Variants in SYTL2 observed in about 807,000 individuals in gnomAD.
SYTL2 encodes synaptotagmin like 2.
In SYTL2, 165 loss-of-function variants were observed where a neutral mutation model predicts 198.7. That is an observed-to-expected ratio of 0.83 (90% confidence interval 0.73 to 0.94). The LOEUF (loss-of-function observed/expected upper bound fraction) is 0.94, where lower values mean the gene tolerates loss of function less well. Ranked by LOEUF, SYTL2 falls within the 40% of genes least tolerant of loss-of-function variation. The probability of loss-of-function intolerance (pLI) is 0.00; values close to 1 mark genes in which losing one functional copy is unlikely to be tolerated. For synonymous variants in SYTL2, 966 were observed against 917.7 expected (o/e 1.05, Z -0.95); for missense variants, 2,835 against 2,582.8 (o/e 1.10, Z -2.12).
chr11:85,757,642 G>A lies in SYTL2; in HGVS notation c.84C>T (p.Ala28=), dbSNP rs544516547. ...VLQRDAALKR[A]EEERVRHLPE... ...CCTCTTACCTGACTCTCTCTTCTTC[G>A]GCCCTCTTCAGAGCAGCATCCCGCT... Residue 28 remains alanine (A), a synonymous_variant, in exon 2 of 20, where the codon GCC becomes GCT. Transcript: ENST00000359152. The A allele has an allele frequency of 3.2e-5, 52 of 1,613,312 alleles. No homozygotes were observed. The highest frequency in any genetic ancestry group is 2.3e-4 in the South Asian group (21 of 91,038).
intron 1 of SYTL2, among the ~76,000 whole-genome samples, chr11:85,786,505 A>T (rs1310769879): frequency 6.6e-6 from 1 of 152,194 alleles, no homozygotes; most frequent in African/African-American, 2.4e-5. Context: ...GGGTACACGG[A>T]TCTCTGCACT....
chr11:85,796,802 G>A (rs1044114108), intron 1 of SYTL2, among the ~76,000 whole-genome samples: 4 of 152,210 alleles, frequency 2.6e-5, no homozygotes, highest in Admixed American at 2.6e-4. Context: ...TATCTGTCAG[G>A]TCTGAGACTT....
chr11:85,775,108 T>C (rs1396870608), intron 1 of SYTL2, among the ~76,000 whole-genome samples: 2 of 152,354 alleles, frequency 1.3e-5, no homozygotes, highest in Admixed American at 6.5e-5. Flanking sequence ...AATGTCACCC[T>C]GCTGCCCAGT....
chr11:85,741,522 A>C (rs2090785061), intron 4 of SYTL2, among the ~76,000 whole-genome samples: 2 of 152,170 alleles, frequency 1.3e-5, no homozygotes, highest in African/African-American at 4.8e-5. Context: ...AAGAATTATT[A>C]TTTTAAGAGT....
chr11:85,826,210 T>G, the SYTL2 span, among the ~76,000 whole-genome samples: 1 of 152,198 alleles, frequency 6.6e-6, no homozygotes, highest in South Asian at 2.1e-4. Context: ...ACATTAAACA[T>G]TGAAAAGCAC....
upstream of SYTL2, among the ~76,000 whole-genome samples, chr11:85,815,500 T>C (rs2093060301): frequency 6.6e-6 from 1 of 152,268 alleles, no homozygotes; most frequent in Non-Finnish European, 1.5e-5. Context: ...AATCAAATTG[T>C]GTTAGCAATC....
At chr11:85,764,893 A>G (rs2153566708) in intron 1 of SYTL2, among the ~76,000 whole-genome samples, 1 of 152,380 alleles carries the variant, frequency 6.6e-6, no homozygotes, top group South Asian at 2.1e-4. Flanking sequence ...TACATTTTAT[A>G]TGCTTAGGCT....
the SYTL2 span, among the ~76,000 whole-genome samples, chr11:85,846,277 A>G: frequency 4.6e-5 from 7 of 152,340 alleles, no homozygotes; most frequent in Middle Eastern, 3.4e-3. Flanking sequence ...TTTATAACCT[A>G]GCCTCAGAAG....
the SYTL2 span, among the ~76,000 whole-genome samples, chr11:85,840,673 T>A: frequency 6.6e-6 from 1 of 152,138 alleles, no homozygotes; most frequent in Non-Finnish European, 1.5e-5. Flanking sequence ...TGGCTAGCCA[T>A]ATGCAGATTG....
intron 15 of SYTL2, 68 bp from the exon 16 acceptor site, chr11:85,705,096 T>A (rs1232205977): frequency 7.7e-7 from 1 of 1,296,872 alleles, no homozygotes; most frequent in East Asian, 2.4e-5. Flanking sequence ...AACACAGAGA[T>A]GAAGAGAAAT....
intron 2 of SYTL2, 77 bp from the exon 3 acceptor site, chr11:85,748,500 CAT>C: frequency 1.4e-6 from 2 of 1,416,902 alleles, no homozygotes; most frequent in East Asian, 2.3e-5. Context: ...CGCATAAAGA[CAT>C]GTGTAAACAC....
chr11:85,698,181 CT>C, intron 17 of SYTL2, 103 bp from the exon 18 acceptor site: 1 of 724,444 alleles, frequency 1.4e-6, no homozygotes, highest in Non-Finnish European at 2.4e-6. Flanking sequence ...GAGATACTAG[CT>C]AGTATTTGAT....
At chr11:85,807,876 T>C (rs979940761) in intron 1 of SYTL2, among the ~76,000 whole-genome samples, 1 of 152,190 alleles carries the variant, frequency 6.6e-6, no homozygotes, top group Non-Finnish European at 1.5e-5. Flanking sequence ...TAATTATTCA[T>C]GATTTTTTCT....
intron 1 of SYTL2, among the ~76,000 whole-genome samples, chr11:85,797,796 C>T (rs913082608): frequency 1.3e-5 from 2 of 152,010 alleles, no homozygotes; most frequent in Non-Finnish European, 2.9e-5. Context: ...TATCTCATAC[C>T]ATACCTTAGT....
At chr11:85,758,478 G>A (rs912099295) in intron 1 of SYTL2, among the ~76,000 whole-genome samples, 2 of 152,176 alleles carry the variant, frequency 1.3e-5, no homozygotes, top group Non-Finnish European at 2.9e-5. Flanking sequence ...CAAGAATCTA[G>A]AAATAAAAAT....
At chr11:85,843,850 C>T in the SYTL2 span, among the ~76,000 whole-genome samples, 1 of 152,152 alleles carries the variant, frequency 6.6e-6, no homozygotes, top group Non-Finnish European at 1.5e-5. Flanking sequence ...AATTGAGACA[C>T]AGAAAGGTAG....
chr11:85,764,784 A>T (rs1413141138), intron 1 of SYTL2, among the ~76,000 whole-genome samples: 3 of 152,338 alleles, frequency 2.0e-5, no homozygotes, highest in South Asian at 2.1e-4. Flanking sequence ...ATAGAGGGGA[A>T]AAAAGGCATC....
chr11:85,729,643 G>C (rs2153475447), intron 7 of SYTL2, among the ~76,000 whole-genome samples: 1 of 152,188 alleles, frequency 6.6e-6, no homozygotes, highest in East Asian at 1.9e-4. Flanking sequence ...AAGTGGGAAA[G>C]ATCTAAAATC....
chr11:85,792,857 C>A (rs1194926011), intron 1 of SYTL2, among the ~76,000 whole-genome samples: 13 of 151,742 alleles, frequency 8.6e-5, no homozygotes, highest in Non-Finnish European at 1.9e-4. Context: ...CAATTCCCAC[C>A]TATGAGTGAG....
Sources: allele counts gnomAD v4.1 joint callset (sites outside exome capture counted in the v4.1 genomes callset), GRCh38; gene constraint gnomAD v4.1.1; transcripts MANE v1.5; gene names NCBI Gene and HGNC (gene_info 2026-07-23, HGNC 2026-07-21).